The following TNFRSF19 variants were observed in gnomAD, a reference collection of about 807,000 sequenced individuals.
TNFRSF19 encodes tumor necrosis factor receptor superfamily member 19.
TNFRSF19 carries 27 observed loss-of-function variants against 46.4 expected under a neutral mutation model. The observed-to-expected ratio is 0.58, with a 90% CI of 0.43 to 0.80. TNFRSF19 has a LOEUF of 0.80. TNFRSF19 is among the 30% of genes least tolerant of loss of function. The probability of loss-of-function intolerance (pLI) is 0.00; values close to 1 mark genes in which losing one functional copy is unlikely to be tolerated. For synonymous variants in TNFRSF19, 204 were observed against 205.0 expected (o/e 1.00, Z 0.04); for missense variants, 511 against 530.8 (o/e 0.96, Z 0.37).
chr13:23,675,286 T>G lies in TNFRSF19; in HGVS notation c.*1906T>G, dbSNP rs906150737. The G allele has an allele frequency of 2.0e-5, 3 of 151,730 alleles. No homozygotes were observed. The highest frequency in any genetic ancestry group is 7.3e-5 in the African/African-American group (3 of 40,986). The allele number at this position is 151,730 out of a possible 1,614,324, so 9.4% of individuals were successfully genotyped here. On this transcript the variant is annotated 3_prime_UTR_variant, in exon 10 of 10. Transcript: ENST00000248484. ...TCTGTTATGACAGAGAGATGATGTT[T>G]GCATTTCTGTTATGACAGAGAGATG...
At chr13:23,622,203 A>G (rs753634118) in intron 4 of TNFRSF19, among the ~76,000 whole-genome samples, 2 of 152,068 alleles carry the variant, frequency 1.3e-5, no homozygotes, top group Non-Finnish European at 2.9e-5. Context: ...GGAGTTCGAG[A>G]CCTGTCTGGC....
chr13:23,596,037 C>A (rs1246806310), intron 3 of TNFRSF19, among the ~76,000 whole-genome samples: 1 of 152,168 alleles, frequency 6.6e-6, no homozygotes, highest in Non-Finnish European at 1.5e-5. Flanking sequence ...GAGAAATAAA[C>A]TCCTTTACAG....
chr13:23,575,997 A>T (rs12877815), intron 1 of TNFRSF19, among the ~76,000 whole-genome samples: 12,658 of 152,236 alleles, frequency 0.083, 562 homozygotes, highest in East Asian at 0.18. Flanking sequence ...CTCTATCAAG[A>T]TTGTCATAGC....
chr13:23,616,183 C>A, intron 4 of TNFRSF19, 138 bp downstream of exon 4: 1 of 866,240 alleles, frequency 1.2e-6, no homozygotes, highest in Non-Finnish European at 1.7e-6. Flanking sequence ...TGACTTCTTT[C>A]AGTATTAACC....
At position 23,625,931 on chromosome 13, in the gene TNFRSF19, T is replaced by G. The variant is rs148141824; in HGVS notation, c.360-776T>G. On this transcript the variant is annotated intron_variant, in intron 4 of 9. Coordinates refer to ENST00000248484, the MANE Select transcript of TNFRSF19 (RefSeq NM_148957.4). Reference sequence around the variant, plus strand: ...TTCATCTTAAATTTTTTAAAAAAATTTAATTGTGTCGTGCTTTTCAGTTTA... The same window carrying G: ...TTCATCTTAAATTTTTTAAAAAAATGTAATTGTGTCGTGCTTTTCAGTTTA... Among the ~76,000 whole-genome samples the G allele has an allele frequency of 1.7e-4, 26 of 152,308 alleles. 1 individual carries two copies. The East Asian group carries it at 5.0e-3, about 29-fold the overall frequency.
At chr13:23,657,240 A>G (rs1251703561) in intron 5 of TNFRSF19, among the ~76,000 whole-genome samples, 1 of 152,198 alleles carries the variant, frequency 6.6e-6, no homozygotes, top group African/African-American at 2.4e-5. Context: ...ATGCTCCAAG[A>G]TGATAGTTCC....
chr13:23,650,432 C>G (rs1883565586), intron 5 of TNFRSF19, among the ~76,000 whole-genome samples: 2 of 152,198 alleles, frequency 1.3e-5, no homozygotes, highest in Admixed American at 6.5e-5. Context: ...AGCTCCGATA[C>G]AAGCTACACT....
chr13:23,621,141 A>G (rs893415050), intron 4 of TNFRSF19, among the ~76,000 whole-genome samples: 4 of 152,054 alleles, frequency 2.6e-5, no homozygotes, highest in African/African-American at 9.7e-5. Context: ...CTGTGTGCCC[A>G]CTTCACCCTC....
chr13:23,626,984 G>A (rs1882056613), intron 5 of TNFRSF19, among the ~76,000 whole-genome samples, 192 bp downstream of exon 5: 1 of 152,154 alleles, frequency 6.6e-6, no homozygotes, highest in Admixed American at 6.6e-5. Flanking sequence ...CAGCAAACCG[G>A]TCCCAGGGAT....
intron 4 of TNFRSF19, among the ~76,000 whole-genome samples, chr13:23,622,830 T>C (rs1881756388): frequency 6.6e-6 from 1 of 152,216 alleles, no homozygotes; most frequent in Non-Finnish European, 1.5e-5. Flanking sequence ...GGGCAAGTTT[T>C]CGGGGTGAAA....
intron 4 of TNFRSF19, among the ~76,000 whole-genome samples, chr13:23,623,458 T>G (rs928334759): frequency 1.3e-5 from 2 of 152,234 alleles, no homozygotes; most frequent in African/African-American, 4.8e-5. Flanking sequence ...CTTTTAGATA[T>G]AGACACAGTA....
At chr13:23,573,485 C>G (rs35098123) in intron 1 of TNFRSF19, among the ~76,000 whole-genome samples, 42,968 of 151,618 alleles carry the variant, frequency 0.28, 6,145 homozygotes, top group South Asian at 0.34. Flanking sequence ...GTGTTTGCCT[C>G]TGTGTGTGTG....
intron 4 of TNFRSF19, among the ~76,000 whole-genome samples, chr13:23,618,039 G>A (rs1018496898): frequency 4.6e-5 from 7 of 152,140 alleles, no homozygotes; most frequent in African/African-American, 1.4e-4. Flanking sequence ...AGACTAGTGG[G>A]TCCCACGTGG....
chr13:23,611,126 G>GCACACACACACA (rs34837771), intron 3 of TNFRSF19, among the ~76,000 whole-genome samples: 48 of 147,764 alleles, frequency 3.2e-4, no homozygotes, highest in African/African-American at 1.2e-3. Flanking sequence ...ACACACATGT[G>GCACACACACACA]CACACACACA....
rs1878255376 is a variant in TNFRSF19, at chr13:23,579,689, G to A, written c.-35+8841G>A. On this transcript the variant is annotated intron_variant, in intron 1 of 9. Transcript: ENST00000248484. The stretch of plus-strand genomic sequence containing the variant: ...CACGGGCGGAGTACTGCGCGGCGAA[G>A]GGAACCCCCGAAGGGGCTGACCGGG... 2.0e-5 allele frequency among the ~76,000 whole-genome samples: 3 copies of A among 152,200 alleles called. No homozygotes were observed. The South Asian group carries it at 6.2e-4, about 32-fold the overall frequency.
chr13:23,570,761 C>T lies in TNFRSF19; in HGVS notation c.-122C>T, dbSNP rs915452335. ...TTTTATTTTCCTGGATTTGAAGTTT[C>T]GTCTGGGCTTGTGCTGACATACATT... is the stretch of plus-strand genomic sequence containing the variant. On this transcript the variant is annotated 5_prime_UTR_variant, in exon 1 of 10. Transcript: ENST00000248484. 1 of 152,160 alleles carries T rather than the reference C, an allele frequency of 6.6e-6. No homozygotes were observed. Among genetic ancestry groups the T allele is most frequent in the Admixed American group, 6.5e-5 (1 of 15,268 alleles). The allele number at this position is 152,160 out of a possible 1,614,324, so 9.4% of individuals were successfully genotyped here. A position where few individuals can be genotyped will look rare whatever the true frequency, so the allele number is the denominator to read the frequency against.
At chr13:23,671,977 T>C (rs1305809882) in intron 9 of TNFRSF19, among the ~76,000 whole-genome samples, 1 of 152,250 alleles carries the variant, frequency 6.6e-6, no homozygotes, top group East Asian at 1.9e-4. Flanking sequence ...GGCTCCATGA[T>C]GTGGGCTCGT....
chr13:23,663,071 G>C (rs1296375598), intron 7 of TNFRSF19, among the ~76,000 whole-genome samples: 1 of 152,172 alleles, frequency 6.6e-6, no homozygotes, highest in Non-Finnish European at 1.5e-5. Flanking sequence ...GGAGTGGTGA[G>C]AGAGAGCATC....
chr13:23,626,595 C>T lies in TNFRSF19; in HGVS notation c.360-112C>T, dbSNP rs1882027375. ...CTACCTAAGATACTATTATTTAAGC[C>T]TCTGTGTACTTTTAACCGTAGAACT... On this transcript the variant is annotated intron_variant, in intron 4 of 9. Coordinates refer to ENST00000248484, the MANE Select transcript of TNFRSF19 (RefSeq NM_148957.4). 3 of 926,524 alleles carry T rather than the reference C, an allele frequency of 3.2e-6. No individual in the cohort carries two copies. The African/African-American group carries it at 5.0e-5, about 15-fold the overall frequency. The allele number at this position is 926,524 out of a possible 1,614,324, so 57.4% of individuals were successfully genotyped here. A position where few individuals can be genotyped will look rare whatever the true frequency, so the allele number is the denominator to read the frequency against.
Sources: gnomAD v4.1 joint callset for allele counts (sites outside exome capture counted in the v4.1 genomes callset) on GRCh38, gnomAD v4.1.1 for gene constraint, MANE v1.5 for transcripts, NCBI Gene and HGNC (gene_info 2026-07-23, HGNC 2026-07-21) for gene names.